Variants in NDST4 observed in about 807,000 individuals in gnomAD.
The protein encoded by NDST4 is N-heparan sulfate sulfotransferase 4.
A neutral mutation model predicts 100.8 loss-of-function variants in NDST4; 63 were observed. That is an observed-to-expected ratio of 0.62 (90% CI 0.51 to 0.77). NDST4 has a LOEUF of 0.77. Ranked by LOEUF, NDST4 falls within the 30% of genes least tolerant of loss-of-function variation. The pLI is 0.00. For missense variants in NDST4, 943 were observed against 1,018.4 expected, an observed-to-expected ratio of 0.93 and a Z score of 1.01; for synonymous variants, 377 against 361.8, an observed-to-expected ratio of 1.04 and a Z score of -0.48.
chr4:114,881,535 G>T (rs1294308768), intron 6 of NDST4, among the ~76,000 whole-genome samples: 1 of 151,992 alleles, frequency 6.6e-6, no homozygotes, highest in Non-Finnish European at 1.5e-5. Context: ...TAACAAGAGA[G>T]TATAGAAGCA....
intron 2 of NDST4, among the ~76,000 whole-genome samples, chr4:115,050,825 T>C (rs565833821): frequency 6.6e-6 from 1 of 152,096 alleles, no homozygotes; most frequent in Non-Finnish European, 1.5e-5. Context: ...TGCATTAAAT[T>C]CTTATGACTA....
At chr4:115,100,230 A>G (rs530104394) in intron 1 of NDST4, among the ~76,000 whole-genome samples, 2 of 152,208 alleles carry the variant, frequency 1.3e-5, no homozygotes, top group African/African-American at 2.4e-5. Context: ...ATTTAATACT[A>G]TGAAAATTAA....
At chr4:115,028,250 G>A (rs184677731) in intron 2 of NDST4, among the ~76,000 whole-genome samples, 8 of 152,156 alleles carry the variant, frequency 5.3e-5, no homozygotes, top group East Asian at 1.9e-4. Flanking sequence ...TTCTTACCAC[G>A]AATGTCTGGT....
At chr4:115,038,343 C>G (rs373680548) in intron 2 of NDST4, among the ~76,000 whole-genome samples, 2 of 152,026 alleles carry the variant, frequency 1.3e-5, no homozygotes, top group East Asian at 3.9e-4. Flanking sequence ...AAGGAGAAAG[C>G]TGGGGAAAAG....
At chr4:114,975,015 T>G (rs1426989836) in intron 3 of NDST4, among the ~76,000 whole-genome samples, 1 of 152,106 alleles carries the variant, frequency 6.6e-6, no homozygotes, top group Admixed American at 6.6e-5. Context: ...CACAGCCAAG[T>G]GCACATGTAA....
chr4:115,051,771 T>C (rs1728589141), intron 2 of NDST4, among the ~76,000 whole-genome samples: 1 of 152,154 alleles, frequency 6.6e-6, no homozygotes, highest in Non-Finnish European at 1.5e-5. Flanking sequence ...TTTGGATATA[T>C]ACCCAGTAGT....
intron 6 of NDST4, among the ~76,000 whole-genome samples, chr4:114,883,086 A>G (rs532319142): frequency 1.6e-4 from 25 of 152,134 alleles, no homozygotes; most frequent in Non-Finnish European, 3.1e-4. Context: ...CCTTGAAAAA[A>G]GAAAAGTCAG....
intron 6 of NDST4, among the ~76,000 whole-genome samples, chr4:114,874,899 A>G (rs1051976075): frequency 2.0e-5 from 3 of 152,134 alleles, no homozygotes; most frequent in African/African-American, 7.2e-5. Flanking sequence ...ACTAAAAATA[A>G]TCTTTCTCAA....
At chr4:115,028,663 A>G (rs1728042397) in intron 2 of NDST4, among the ~76,000 whole-genome samples, 1 of 152,130 alleles carries the variant, frequency 6.6e-6, no homozygotes, top group African/African-American at 2.4e-5. Flanking sequence ...AGCAAGTTGC[A>G]GGAGAGTGTC....
intron 1 of NDST4, among the ~76,000 whole-genome samples, chr4:115,110,296 T>C (rs151235732): frequency 3.3e-5 from 5 of 151,882 alleles, no homozygotes; most frequent in Admixed American, 2.0e-4. Context: ...TAGCTGAAAG[T>C]TTCCTGAAGT....
intron 4 of NDST4, among the ~76,000 whole-genome samples, chr4:114,947,617 A>G (rs1033875516): frequency 2.6e-5 from 4 of 152,144 alleles, no homozygotes; most frequent in Non-Finnish European, 5.9e-5. Context: ...TAAGAATGGT[A>G]TTATCCAGCC....
At chr4:115,028,059 TA>T (rs555507040) in intron 2 of NDST4, among the ~76,000 whole-genome samples, 293 of 141,740 alleles carry the variant, frequency 2.1e-3, no homozygotes, top group Non-Finnish European at 2.2e-3. Flanking sequence ...AAACTCCGTC[TA>T]AAAAAAAAAA....
chr4:115,024,753 G>A (rs897704474), intron 2 of NDST4, among the ~76,000 whole-genome samples: 1 of 151,088 alleles, frequency 6.6e-6, no homozygotes, highest in African/African-American at 2.5e-5. Flanking sequence ...TGAGAATGAT[G>A]AGTTTTGAGA....
At chr4:115,017,095 T>C (rs1056030426) in intron 2 of NDST4, among the ~76,000 whole-genome samples, 1 of 151,990 alleles carries the variant, frequency 6.6e-6, no homozygotes, top group African/African-American at 2.4e-5. Context: ...AATTGTATTG[T>C]TCAATTAGTT....
intron 6 of NDST4, among the ~76,000 whole-genome samples, chr4:114,896,850 T>G (rs1381423368): frequency 6.6e-6 from 1 of 152,182 alleles, no homozygotes; most frequent in Non-Finnish European, 1.5e-5. Context: ...ACCTTCTCTT[T>G]ATGTTTCCCA....
rs192267293 is a variant in NDST4 at position 114,836,376 on chromosome 4, A to G, written c.2287-2661T>C. 4.1e-4 allele frequency among the ~76,000 whole-genome samples: 63 copies of G among 152,280 alleles called. 1 individual carries two copies. The East Asian group carries it at 5.8e-3, about 14-fold the overall frequency. On this transcript the variant is annotated intron_variant, in intron 11 of 13. Coordinates refer to ENST00000264363, the MANE Select transcript of NDST4 (RefSeq NM_022569.3). ...TATTTCTCTTTCGCTTATGAAGCTT[A>G]GTGTGGCTAAATATGAAATTCTTTT...
intron 2 of NDST4, among the ~76,000 whole-genome samples, chr4:115,018,064 C>CT (rs974498731): frequency 2.6e-5 from 4 of 151,670 alleles, no homozygotes; most frequent in East Asian, 1.9e-4. Context: ...TAAAATCTAG[C>CT]TTTTTTTTGT....
At chr4:114,915,361 C>T (rs1725147118) in intron 6 of NDST4, among the ~76,000 whole-genome samples, 1 of 152,138 alleles carries the variant, frequency 6.6e-6, no homozygotes, top group Admixed American at 6.6e-5. Flanking sequence ...ATTATCCCCC[C>T]ACTTACACCA....
chr4:114,971,777 G>A (rs1242904908), intron 3 of NDST4, among the ~76,000 whole-genome samples: 1 of 151,982 alleles, frequency 6.6e-6, no homozygotes, highest in Non-Finnish European at 1.5e-5. Flanking sequence ...GATTTCCATG[G>A]TCATGAGAGT....
Sources: allele counts gnomAD v4.1 joint callset (sites outside exome capture counted in the v4.1 genomes callset), GRCh38; gene constraint gnomAD v4.1.1; transcripts MANE v1.5; gene names NCBI Gene and HGNC (gene_info 2026-07-23, HGNC 2026-07-21).